COA8: variants seen among roughly 807,000 people sequenced by gnomAD.
COA8 encodes cytochrome c oxidase assembly factor 8, also known as UPF0671 protein C14orf153.
In COA8, 20 loss-of-function variants were observed where a neutral mutation model predicts 22.0. That is an observed-to-expected ratio of 0.91 (90% CI 0.64 to 1.32). COA8 has a LOEUF of 1.32. Among genes scored for constraint, COA8 ranks in the 40% most tolerant of loss-of-function variants. The pLI is 0.00. For synonymous variants in COA8, 105 were observed against 79.9 expected (o/e 1.31, Z -1.68); for missense variants, 266 against 230.0 (o/e 1.16, Z -1.01).
At chr14:103,564,459 C>T (rs979913508) in intron 1 of COA8, among the ~76,000 whole-genome samples, 1 of 151,604 alleles carries the variant, frequency 6.6e-6, no homozygotes, top group African/African-American at 2.4e-5. Flanking sequence ...AACGGGAAAT[C>T]AACCAAGACA....
intron 4 of COA8, among the ~76,000 whole-genome samples, chr14:103,589,644 G>C (rs1047529863): frequency 6.6e-6 from 1 of 151,978 alleles, no homozygotes; most frequent in South Asian, 2.1e-4. Context: ...GGCCGGGTGC[G>C]GTGGCTCACA....
chr14:103,584,756 C>T (rs1253635327), intron 3 of COA8, among the ~76,000 whole-genome samples: 6 of 152,070 alleles, frequency 3.9e-5, no homozygotes, highest in African/African-American at 9.7e-5. Context: ...TCTGATTTCC[C>T]GTGGTGTTGA....
At chr14:103,578,810 G>T (rs1038311216) in intron 3 of COA8, among the ~76,000 whole-genome samples, 26 of 152,170 alleles carry the variant, frequency 1.7e-4, no homozygotes, top group African/African-American at 5.8e-4. Context: ...GGCAGCAGCT[G>T]GTACCCCTGC....
At position 103,563,018 on chromosome 14, in the gene COA8, C is replaced by T. The variant is rs377584862; in HGVS notation, c.17C>T (p.Ala6Val). Residue 6 changes from alanine to valine, a missense_variant, in exon 1 of 5, where the codon GCG becomes GTG. By Grantham distance (64) the Ala-to-Val change is moderately conservative (BLOSUM62 0). Transcript: ENST00000409074. MVVLR[A>V]GKKTFLPPLC... is the part of the protein sequence containing the mutation. ...CGTGGGGCCATGGTGGTCTTGCGGG[C>T]GGGGAAGAAGACCTTTCTCCCCCCT... The T allele has an allele frequency of 6.4e-7, 1 of 1,557,066 alleles. No individual in the cohort carries two copies. Among genetic ancestry groups the T allele is most frequent in the South Asian group, 1.2e-5 (1 of 86,278 alleles).
intron 3 of COA8, among the ~76,000 whole-genome samples, chr14:103,576,459 G>A (rs1441390418): frequency 6.6e-6 from 1 of 152,188 alleles, no homozygotes; most frequent in African/African-American, 2.4e-5. Context: ...AGATATTCAA[G>A]AACATAAAAG....
intron 1 of COA8, among the ~76,000 whole-genome samples, chr14:103,566,651 A>G (rs904735791): frequency 6.6e-6 from 1 of 152,206 alleles, no homozygotes; most frequent in African/African-American, 2.4e-5. Context: ...TCCAGGCAGG[A>G]GCTCTGCATG....
At chr14:103,574,017 C>T in intron 2 of COA8, 90 bp from the exon 3 acceptor site, 2 of 1,427,624 alleles carry the variant, frequency 1.4e-6, no homozygotes, top group South Asian at 1.4e-5. Context: ...TTCTCCAGTA[C>T]ACCGTGAGCT....
At chr14:103,582,497 G>A (rs61996718) in intron 3 of COA8, among the ~76,000 whole-genome samples, 26,491 of 152,162 alleles carry the variant, frequency 0.17, 2,681 homozygotes, top group Middle Eastern at 0.26. Flanking sequence ...TAGTCAGGCC[G>A]GGACCTGTCC....
chr14:103,587,576 T>C (rs537828290), intron 4 of COA8, among the ~76,000 whole-genome samples: 16 of 151,026 alleles, frequency 1.1e-4, no homozygotes, highest in African/African-American at 3.2e-4. Flanking sequence ...GGCGCCATCT[T>C]GGCTCACTGC....
intron 4 of COA8, 131 bp from the exon 5 acceptor site, chr14:103,590,050 G>T (rs2076338855): frequency 4.1e-6 from 3 of 730,750 alleles, no homozygotes; most frequent in African/African-American, 1.8e-5. Flanking sequence ...TTTAACAAGG[G>T]CAGGGAAAGG....
intron 3 of COA8, among the ~76,000 whole-genome samples, chr14:103,580,305 T>C (rs2076258233): frequency 6.6e-6 from 1 of 151,752 alleles, no homozygotes. Context: ...TACAACATTA[T>C]ATTTTATTTT....
At chr14:103,583,333 A>G (rs941731421) in intron 3 of COA8, among the ~76,000 whole-genome samples, 2 of 152,004 alleles carry the variant, frequency 1.3e-5, no homozygotes, top group African/African-American at 4.8e-5. Context: ...TGAGGTCAGG[A>G]GTTCATGACC....
chr14:103,565,068 C>T (rs1338259096), intron 1 of COA8, among the ~76,000 whole-genome samples: 2 of 152,118 alleles, frequency 1.3e-5, no homozygotes, highest in Non-Finnish European at 2.9e-5. Flanking sequence ...ATTCTCCTGC[C>T]GCAGCCTCCT....
chr14:103,579,251 A>C (rs2076249940), intron 3 of COA8: 1 of 166,964 alleles, frequency 6.0e-6, no homozygotes, highest in African/African-American at 2.4e-5. Context: ...GTTTTTCCCT[A>C]CACGGTTGTC....
At chr14:103,571,595 T>C (rs756404580) in intron 1 of COA8, 28 bp from the exon 2 acceptor site, 3 of 1,565,290 alleles carry the variant, frequency 1.9e-6, no homozygotes, top group Admixed American at 1.7e-5. Context: ...CATTTTGTCA[T>C]ATGTTAATCC....
At chr14:103,573,024 G>A (rs1465113935) in intron 2 of COA8, among the ~76,000 whole-genome samples, 1 of 151,608 alleles carries the variant, frequency 6.6e-6, no homozygotes, top group Non-Finnish European at 1.5e-5. Flanking sequence ...CTCGTGATCC[G>A]CCCACCTCGG....
At position 103,571,698 on chromosome 14, in the gene COA8, C is replaced by T. The variant is rs372830784; in HGVS notation, c.199C>T (p.Pro67Ser). The change falls in exon 2 of 5, where the codon CCT becomes TCT. Residue 67 changes from proline (P) to serine (S), a missense_variant. Transcript: ENST00000409074. ...GPPDKYSNLR[P>S]VHFYIPENES... is the part of the protein sequence containing the mutation. ...CCCAGATAAATATTCAAACCTTCGA[C>T]CTGTTCACTTTTACATACCTGAAAA... 2 of 1,614,048 alleles carry T rather than the reference C, an allele frequency of 1.2e-6. No individual in the cohort carries two copies. The highest frequency in any genetic ancestry group is 1.3e-5 in the African/African-American group (1 of 74,922).
chr14:103,586,710 T>C (rs576945235), intron 3 of COA8, among the ~76,000 whole-genome samples: 6 of 150,140 alleles, frequency 4.0e-5, no homozygotes, highest in African/African-American at 1.2e-4. Flanking sequence ...TCTGGGCTCA[T>C]TGTAACCTCT....
At chr14:103,565,405 C>T (rs913369229) in intron 1 of COA8, among the ~76,000 whole-genome samples, 1 of 152,144 alleles carries the variant, frequency 6.6e-6, no homozygotes, top group African/African-American at 2.4e-5. Flanking sequence ...AATTCTGTTC[C>T]CTAGCCACTT....
Sources: allele counts gnomAD v4.1 joint callset (sites outside exome capture counted in the v4.1 genomes callset), GRCh38; gene constraint gnomAD v4.1.1; transcripts MANE v1.5; gene names NCBI Gene and HGNC (gene_info 2026-07-23, HGNC 2026-07-21).